The following STK33 variants were observed in gnomAD, a reference collection of about 807,000 sequenced individuals.
STK33 encodes the protein serine/threonine-protein kinase 33.
In STK33, 52 loss-of-function variants were observed where a neutral mutation model predicts 58.0. That is an observed-to-expected ratio of 0.90 (90% confidence interval 0.72 to 1.13). The LOEUF is 1.13. STK33 is among the 50% of genes most tolerant of loss of function. STK33 has a pLI of 0.00. For missense variants in STK33, 630 were observed against 604.2 expected, an observed-to-expected ratio of 1.04 and a Z score of -0.45; for synonymous variants, 215 against 200.1, an observed-to-expected ratio of 1.07 and a Z score of -0.63.
the STK33 span, among the ~76,000 whole-genome samples, chr11:8,381,956 C>A: frequency 1.3e-5 from 2 of 152,100 alleles, no homozygotes; most frequent in African/African-American, 4.8e-5. Flanking sequence ...AAGGGAAGGG[C>A]CAGAGCAATC....
the STK33 span, among the ~76,000 whole-genome samples, chr11:8,335,944 A>G: frequency 6.6e-6 from 1 of 152,206 alleles, no homozygotes; most frequent in Admixed American, 6.5e-5. Flanking sequence ...AGAGACCAGC[A>G]TGCTGGGTCT....
chr11:8,469,244 T>C (rs1219202880), intron 6 of STK33, among the ~76,000 whole-genome samples: 1 of 152,258 alleles, frequency 6.6e-6, no homozygotes, highest in East Asian at 1.9e-4. Context: ...ACCCTGCCAC[T>C]GCTTTATCAA....
chr11:8,461,816 CA>C lies in STK33; in HGVS notation c.546del (p.Phe182LeufsTer10). On this transcript the variant is annotated frameshift_variant, in exon 8 of 16. Transcript: ENST00000687296. LOFTEE classifies it high-confidence loss of function. Reference sequence around the variant, plus strand: ...TAATAGAGGTTTACCTTTGGCGTTTCAAATACTTGTTCCAGATGTATGATGT... The same window carrying C: ...TAATAGAGGTTTACCTTTGGCGTTTCAATACTTGTTCCAGATGTATGATGT... Reference protein sequence around the residue: ...HEHIIHLEQVFETPKKMYLVM... With the variant: ...HEHIIHLEQVXETPKKMYLVM... The C allele has an allele frequency of 1.3e-6, 2 of 1,585,798 alleles. No individual in the cohort carries two copies. The highest frequency in any genetic ancestry group is 1.7e-6 in the Non-Finnish European group (2 of 1,169,724).
At chr11:8,562,269 T>C (rs1343114091) in intron 1 of STK33, among the ~76,000 whole-genome samples, 1 of 152,200 alleles carries the variant, frequency 6.6e-6, no homozygotes, top group East Asian at 1.9e-4. Flanking sequence ...TCATTGTCAT[T>C]TCTTCTTTCT....
chr11:8,514,718 C>A (rs2139583831), intron 1 of STK33, among the ~76,000 whole-genome samples: 1 of 152,320 alleles, frequency 6.6e-6, no homozygotes, highest in East Asian at 1.9e-4. Context: ...CATAATCCTT[C>A]TCTGAATGTT....
intron 1 of STK33, among the ~76,000 whole-genome samples, chr11:8,547,706 C>CA (rs1298296014): frequency 1.3e-5 from 2 of 152,150 alleles, no homozygotes; most frequent in Non-Finnish European, 2.9e-5. Flanking sequence ...CTTTGCTGTG[C>CA]AAAAGCTTTT....
At chr11:8,350,922 C>T in the STK33 span, among the ~76,000 whole-genome samples, 26 of 152,214 alleles carry the variant, frequency 1.7e-4, no homozygotes, top group South Asian at 3.1e-3. Flanking sequence ...CTGCAGAAAA[C>T]GGTTGGGATA....
chr11:8,377,340 T>C, the STK33 span, among the ~76,000 whole-genome samples: 4 of 152,216 alleles, frequency 2.6e-5, no homozygotes, highest in Non-Finnish European at 5.9e-5. Context: ...CAAAATGGGA[T>C]ATATCATATA....
At chr11:8,354,666 A>G in the STK33 span, among the ~76,000 whole-genome samples, 3 of 152,230 alleles carry the variant, frequency 2.0e-5, no homozygotes, top group Non-Finnish European at 4.4e-5. Context: ...AATGCTGTGA[A>G]CACAGAGCTG....
Position 8,516,311 on chromosome 11 carries a change from C to G in STK33, c.-465-35697G>C, listed in dbSNP as rs567910159. On this transcript the variant is annotated intron_variant, in intron 1 of 15. Transcript: ENST00000687296. ...CTAAGAATACACAATGGAGAAAGAA[C>G]AGTCTCTTCAACAAATGGCACTGGG... Among the ~76,000 whole-genome samples the G allele has an allele frequency of 3.9e-5, 6 of 152,330 alleles. No individual in the cohort carries two copies. In the South Asian group the frequency reaches 1.2e-3, roughly 32 times the overall value.
chr11:8,461,412 C>A (rs900035661), intron 8 of STK33, among the ~76,000 whole-genome samples: 2 of 152,032 alleles, frequency 1.3e-5, no homozygotes, highest in African/African-American at 4.8e-5. Context: ...GAAAAATATA[C>A]CCATACCAAT....
intron 14 of STK33, among the ~76,000 whole-genome samples, chr11:8,427,144 A>G (rs1422131332): frequency 6.6e-6 from 1 of 152,160 alleles, no homozygotes; most frequent in African/African-American, 2.4e-5. Flanking sequence ...TACTTCTACC[A>G]TGTGTTTTAA....
chr11:8,536,972 A>AAATT (rs1565305538), intron 1 of STK33, among the ~76,000 whole-genome samples: 5 of 65,734 alleles, frequency 7.6e-5, no homozygotes, highest in Non-Finnish European at 9.9e-5. Context: ...AAAAAAAAAG[A>AAATT]TTTTTTTTTT....
intron 1 of STK33, among the ~76,000 whole-genome samples, chr11:8,493,443 A>C (rs1296294010): frequency 2.0e-5 from 3 of 152,172 alleles, no homozygotes; most frequent in Non-Finnish European, 4.4e-5. Flanking sequence ...TCTGAAATTG[A>C]GGCAATAATA....
intron 1 of STK33, among the ~76,000 whole-genome samples, chr11:8,576,639 T>C (rs1958205690): frequency 6.6e-6 from 1 of 152,238 alleles, no homozygotes. Context: ...GCTTAAGTAC[T>C]TTGGGAATAT....
In STK33 at chr11:8,515,054, C is replaced by T. The variant is rs942331437; in HGVS notation, c.-465-34440G>A. On this transcript the variant is annotated intron_variant, in intron 1 of 15. Coordinates refer to ENST00000687296, the MANE Select transcript of STK33 (RefSeq NM_001352389.2). The stretch of plus-strand genomic sequence containing the variant: ...TAATAGCAGATTAAACTCAGCTGAA[C>T]TGGAAGAGAAGTCAGAAAAATGAAC... Among the ~76,000 whole-genome samples the T allele has an allele frequency of 3.3e-5, 5 of 152,006 alleles. No individual in the cohort carries two copies. The East Asian group carries it at 9.7e-4, about 29-fold the overall frequency.
intron 1 of STK33, among the ~76,000 whole-genome samples, chr11:8,539,985 T>C (rs950332376): frequency 6.6e-6 from 1 of 152,172 alleles, no homozygotes; most frequent in African/African-American, 2.4e-5. Flanking sequence ...ACAGCCATTA[T>C]GGAAAACAGT....
chr11:8,514,822 G>A (rs749809065), intron 1 of STK33, among the ~76,000 whole-genome samples: 1 of 152,136 alleles, frequency 6.6e-6, no homozygotes, highest in Non-Finnish European at 1.5e-5. Context: ...ACAGCCACAT[G>A]ACTAGACAAG....
At chr11:8,394,112 G>C (rs957434551) in intron 15 of STK33, among the ~76,000 whole-genome samples, 3 of 152,012 alleles carry the variant, frequency 2.0e-5, no homozygotes, top group Non-Finnish European at 4.4e-5. Context: ...GCAAACTTCT[G>C]GGTTATTTCT....
Sources: gnomAD v4.1 joint callset for allele counts (sites outside exome capture counted in the v4.1 genomes callset) on GRCh38, gnomAD v4.1.1 for gene constraint, MANE v1.5 for transcripts, NCBI Gene and HGNC (gene_info 2026-07-23, HGNC 2026-07-21) for gene names.